TNNI3K: variants seen among roughly 807,000 people sequenced by gnomAD.
TNNI3K encodes serine/threonine-protein kinase TNNI3K.
A neutral mutation model predicts 114.5 loss-of-function variants in TNNI3K; 140 were observed. That is an observed-to-expected ratio of 1.22 (90% CI 1.07 to 1.41). TNNI3K has a LOEUF of 1.41. Ranked by LOEUF, TNNI3K falls within the 40% of genes most tolerant of loss-of-function variation. The probability of loss-of-function intolerance (pLI) is 0.00; values close to 1 mark genes in which losing one functional copy is unlikely to be tolerated. For missense variants in TNNI3K, 1,125 were observed against 1,007.6 expected, an observed-to-expected ratio of 1.12 and a Z score of -1.58; for synonymous variants, 347 against 347.5, an observed-to-expected ratio of 1.00 and a Z score of 0.02.
chr1:74,245,603 C>G (rs1557445620), intron 2 of TNNI3K, among the ~76,000 whole-genome samples: 1 of 152,158 alleles, frequency 6.6e-6, no homozygotes, highest in African/African-American at 2.4e-5. Context: ...AAAGTACTTA[C>G]ACTTGAAAGG....
intron 17 of TNNI3K, among the ~76,000 whole-genome samples, chr1:74,407,023 A>G (rs1367797373): frequency 1.3e-5 from 2 of 152,206 alleles, no homozygotes; most frequent in African/African-American, 2.4e-5. Context: ...CCTTCCAACA[A>G]TAAATCTGTT....
chr1:74,307,582 T>G (rs1176151154), intron 5 of TNNI3K, among the ~76,000 whole-genome samples: 1 of 152,120 alleles, frequency 6.6e-6, no homozygotes, highest in Non-Finnish European at 1.5e-5. Context: ...CAACAATAAG[T>G]TTTAACCATC....
intron 5 of TNNI3K, 68 bp from the exon 6 acceptor site, chr1:74,331,382 T>C (rs1660196814): frequency 6.6e-7 from 1 of 1,515,284 alleles, no homozygotes; most frequent in Non-Finnish European, 9.0e-7. Context: ...GCATGGTGGT[T>C]GTAAACTGAA....
chr1:74,302,087 T>G (rs1363141884), intron 5 of TNNI3K, among the ~76,000 whole-genome samples: 1 of 152,246 alleles, frequency 6.6e-6, no homozygotes, highest in Non-Finnish European at 1.5e-5. Flanking sequence ...GCATCATATT[T>G]CTAAAAGCCT....
intron 19 of TNNI3K, among the ~76,000 whole-genome samples, chr1:74,438,016 C>T (rs1221829177): frequency 2.7e-5 from 4 of 150,768 alleles, no homozygotes; most frequent in African/African-American, 9.7e-5. Context: ...GCCGCATAGT[C>T]TTTAAGCACA....
intron 2 of TNNI3K, among the ~76,000 whole-genome samples, chr1:74,243,289 T>C (rs892368496): frequency 3.3e-5 from 5 of 152,190 alleles, no homozygotes; most frequent in Non-Finnish European, 7.4e-5. Context: ...TTCTTGGAGA[T>C]ATATATTAGA....
intron 11 of TNNI3K, among the ~76,000 whole-genome samples, chr1:74,366,049 G>A (rs1325994626): frequency 6.6e-6 from 1 of 151,236 alleles, no homozygotes; most frequent in Non-Finnish European, 1.5e-5. Context: ...GATCTTGAAT[G>A]CACTGTTCAT....
At chr1:74,298,195 C>A (rs1658108966) in intron 5 of TNNI3K, among the ~76,000 whole-genome samples, 1 of 152,014 alleles carries the variant, frequency 6.6e-6, no homozygotes, top group African/African-American at 2.4e-5. Flanking sequence ...ACTCAGCATA[C>A]AATAGTAGAG....
chr1:74,309,540 A>G lies in TNNI3K; in HGVS notation c.445-21910A>G, dbSNP rs576438330. On this transcript the variant is annotated intron_variant, in intron 5 of 24. Coordinates refer to ENST00000326637, the MANE Select transcript of TNNI3K (RefSeq NM_015978.3). Reference sequence around the variant, plus strand: ...CCACAGGCAAATATTCCTAATTAACATATATATAAAAGTCTTCAACAATAT... The same window carrying G: ...CCACAGGCAAATATTCCTAATTAACGTATATATAAAAGTCTTCAACAATAT... Among the ~76,000 whole-genome samples, 4 of 152,126 alleles carry G rather than the reference A, an allele frequency of 2.6e-5. No homozygotes were observed. The East Asian group carries it at 7.7e-4, about 29-fold the overall frequency.
At chr1:74,334,060 T>C (rs1208872994) in intron 6 of TNNI3K, among the ~76,000 whole-genome samples, 2 of 152,364 alleles carry the variant, frequency 1.3e-5, no homozygotes, top group African/African-American at 4.8e-5. Flanking sequence ...CCAGGCACTT[T>C]TCTGAGTGCT....
intron 17 of TNNI3K, chr1:74,374,699 A>C (rs896499474): frequency 1.3e-5 from 2 of 151,986 alleles, no homozygotes; most frequent in Non-Finnish European, 2.9e-5. Flanking sequence ...GAAAGCATGC[A>C]GATAGGTTTT....
chr1:74,299,311 C>G (rs542675015), intron 5 of TNNI3K, among the ~76,000 whole-genome samples: 1 of 152,150 alleles, frequency 6.6e-6, no homozygotes, highest in Admixed American at 6.5e-5. Flanking sequence ...GAGAATTTAC[C>G]AGTATACATG....
intron 9 of TNNI3K, among the ~76,000 whole-genome samples, chr1:74,352,913 T>C (rs1276927880): frequency 6.6e-6 from 1 of 152,178 alleles, no homozygotes; most frequent in African/African-American, 2.4e-5. Context: ...CCTTTGCGCT[T>C]CCCAGGTGAG....
intron 23 of TNNI3K, among the ~76,000 whole-genome samples, chr1:74,520,513 C>T (rs1646416934): frequency 1.3e-5 from 2 of 151,946 alleles, no homozygotes; most frequent in Admixed American, 1.3e-4. Context: ...TCTTCTGCCT[C>T]TGGCTCTTTT....
chr1:74,451,481 C>T (rs1373504801), intron 20 of TNNI3K, among the ~76,000 whole-genome samples: 3 of 151,742 alleles, frequency 2.0e-5, no homozygotes, highest in Admixed American at 6.6e-5. Flanking sequence ...CAATCTAGTA[C>T]CCCACAAACT....
At chr1:74,348,649 TTCTTTGTATCC>T (rs1661156134) in intron 9 of TNNI3K, among the ~76,000 whole-genome samples, 1 of 152,196 alleles carries the variant, frequency 6.6e-6, no homozygotes, top group Non-Finnish European at 1.5e-5. Flanking sequence ...ATTCTTCCAT[TTCTTTGTATCC>T]TCTTTTATTT....
At chr1:74,418,648 C>T (rs951591492) in intron 17 of TNNI3K, among the ~76,000 whole-genome samples, 1 of 151,916 alleles carries the variant, frequency 6.6e-6, no homozygotes, top group African/African-American at 2.4e-5. Flanking sequence ...TACAGCTCAA[C>T]CTAATCTTAC....
chr1:74,460,499 TCTC>T (rs1000070260), intron 20 of TNNI3K, among the ~76,000 whole-genome samples: 2 of 152,234 alleles, frequency 1.3e-5, no homozygotes, highest in Non-Finnish European at 2.9e-5. Context: ...TTAGCTTTAT[TCTC>T]CTTTAATGGC....
chr1:74,536,164 T>C (rs1044398488), intron 23 of TNNI3K, among the ~76,000 whole-genome samples: 1 of 152,130 alleles, frequency 6.6e-6, no homozygotes, highest in African/African-American at 2.4e-5. Context: ...TATTTGCATA[T>C]ATTATCTTCT....
Sources: gnomAD v4.1 joint callset for allele counts (sites outside exome capture counted in the v4.1 genomes callset) on GRCh38, gnomAD v4.1.1 for gene constraint, MANE v1.5 for transcripts, NCBI Gene and HGNC (gene_info 2026-07-23, HGNC 2026-07-21) for gene names.